ATRNL1: variants seen among roughly 807,000 people sequenced by gnomAD.
ATRNL1 encodes attractin like 1, also known as attractin-like protein 1.
ATRNL1 carries 95 observed loss-of-function variants against 182.7 expected under a neutral mutation model. The ratio of observed to expected loss-of-function variants is 0.52; its 90% CI spans 0.44 to 0.62. The LOEUF (loss-of-function observed/expected upper bound fraction) is 0.62, where lower values mean the gene tolerates loss of function less well. Ranked by LOEUF, ATRNL1 falls within the 20% of genes least tolerant of loss-of-function variation. The pLI, the probability that ATRNL1 is intolerant of heterozygous loss-of-function variation, is 0.00. For synonymous variants in ATRNL1, 576 were observed against 568.3 expected, an observed-to-expected ratio of 1.01 and a Z score of -0.19; for missense variants, 1,471 against 1,679.5, an observed-to-expected ratio of 0.88 and a Z score of 2.17.
intron 20 of ATRNL1, among the ~76,000 whole-genome samples, chr10:115,424,613 T>G (rs1165257092): frequency 1.3e-5 from 2 of 152,202 alleles, no homozygotes; most frequent in Non-Finnish European, 2.9e-5. Flanking sequence ...AATGAAATCC[T>G]GTCATTTGGG....
At chr10:115,345,413 T>G (rs2134106542) in intron 19 of ATRNL1, among the ~76,000 whole-genome samples, 1 of 152,312 alleles carries the variant, frequency 6.6e-6, no homozygotes, top group Admixed American at 6.5e-5. Context: ...TCACGATTAT[T>G]GTTTTCTCCC....
intron 26 of ATRNL1, among the ~76,000 whole-genome samples, chr10:115,619,101 T>A (rs1006636454): frequency 6.6e-6 from 1 of 152,242 alleles, no homozygotes; most frequent in Non-Finnish European, 1.5e-5. Flanking sequence ...CAGTTATGTC[T>A]GTGTGTTCCT....
At chr10:115,698,156 C>A (rs1438785249) in intron 26 of ATRNL1, among the ~76,000 whole-genome samples, 5 of 151,752 alleles carry the variant, frequency 3.3e-5, no homozygotes, top group Non-Finnish European at 7.4e-5. Flanking sequence ...TTTAAATATA[C>A]TACCAGAATA....
chr10:115,551,925 C>T (rs755855760), intron 26 of ATRNL1, among the ~76,000 whole-genome samples: 80 of 151,280 alleles, frequency 5.3e-4, no homozygotes, highest in Non-Finnish European at 8.6e-4. Flanking sequence ...GAGAGAGAGA[C>T]CACATTCACA....
chr10:115,930,619 A>G (rs1953367032), intron 28 of ATRNL1, among the ~76,000 whole-genome samples: 1 of 152,228 alleles, frequency 6.6e-6, no homozygotes. Flanking sequence ...ACAAAGATAT[A>G]GCCACATTTT....
chr10:115,547,269 T>A lies in ATRNL1; in HGVS notation c.3717-2189T>A, dbSNP rs868953408. On this transcript the variant is annotated intron_variant, in intron 25 of 28. Coordinates refer to ENST00000355044, the MANE Select transcript of ATRNL1 (RefSeq NM_207303.4). ...GACTCCATCTCAAAAAAAAAATATA[T>A]ATATATATATATAAATATATATTTT... Among the ~76,000 whole-genome samples, 1,179 of 147,098 alleles carry A rather than the reference T, an allele frequency of 8.0e-3. 14 individuals carry two copies. Among genetic ancestry groups the A allele is most frequent in the African/African-American group, 0.028 (1,120 of 40,560 alleles).
At chr10:115,461,875 TA>T in intron 21 of ATRNL1, 65 bp from the exon 22 acceptor site, 1 of 1,011,458 alleles carries the variant, frequency 9.9e-7, no homozygotes, top group Non-Finnish European at 1.5e-6. Context: ...TATTGTAACC[TA>T]AATTTTGCTT....
chr10:115,944,265 A>T (rs1193568190), intron 28 of ATRNL1, among the ~76,000 whole-genome samples: 1 of 107,086 alleles, frequency 9.3e-6, no homozygotes, highest in Admixed American at 9.4e-5. Context: ...TAAAAATCTT[A>T]ACATGACTAG....
At chr10:115,179,709 A>AG (rs1446776364) in intron 8 of ATRNL1, among the ~76,000 whole-genome samples, 2 of 152,118 alleles carry the variant, frequency 1.3e-5, no homozygotes. Flanking sequence ...GTCTTGTGGG[A>AG]GGATTTCACA....
Position 115,268,367 on chromosome 10 carries a change from A to G in ATRNL1, c.2023A>G (p.Ser675Gly), listed in dbSNP as rs782817479. 8.7e-6 allele frequency: 14 copies of G among 1,613,686 alleles called. No individual in the cohort carries two copies. The highest frequency in any genetic ancestry group is 1.1e-5 in the Non-Finnish European group (13 of 1,179,814). Residue 675 changes from serine to glycine, a missense_variant, in exon 13 of 29, where the codon AGC becomes GGC. By Grantham distance (56) the Ser-to-Gly change is moderately conservative. Around this residue, in one of 3 missense-constraint regions of ATRNL1, gnomAD observed 1,031 missense variants for 1,156.0 expected, o/e 0.89. Coordinates refer to ENST00000355044, the MANE Select transcript of ATRNL1 (RefSeq NM_207303.4). Reference sequence around the variant, plus strand: ...ATGTTACAGATATGCAGATTGTGCCAGCTGTACTGCCAATACAAATGGGTG... The same window carrying G: ...ATGTTACAGATATGCAGATTGTGCCGGCTGTACTGCCAATACAAATGGGTG... ...DRCYRYADCASCTANTNGCQW... is the reference protein window; with the variant it reads ...DRCYRYADCAGCTANTNGCQW...
At chr10:115,594,055 G>C (rs1459060515) in intron 26 of ATRNL1, among the ~76,000 whole-genome samples, 1 of 151,866 alleles carries the variant, frequency 6.6e-6, no homozygotes, top group African/African-American at 2.4e-5. Flanking sequence ...ATTTATATCA[G>C]CTGTGACATA....
At chr10:115,112,125 C>CTA (rs1467717785) in intron 1 of ATRNL1, among the ~76,000 whole-genome samples, 4 of 151,140 alleles carry the variant, frequency 2.6e-5, no homozygotes, top group Non-Finnish European at 5.9e-5. Flanking sequence ...ATGTAGAAAA[C>CTA]TAGAAAACAT....
At chr10:115,390,866 T>TA (rs1395535884) in intron 19 of ATRNL1, among the ~76,000 whole-genome samples, 1 of 152,222 alleles carries the variant, frequency 6.6e-6, no homozygotes, top group African/African-American at 2.4e-5. Context: ...TTAGAGCTTT[T>TA]AAGTCCTTGG....
intron 25 of ATRNL1, among the ~76,000 whole-genome samples, chr10:115,523,044 G>T (rs1209717244): frequency 6.6e-6 from 1 of 152,126 alleles, no homozygotes; most frequent in Non-Finnish European, 1.5e-5. Context: ...GCATCTGTCT[G>T]CAGGGTCTCC....
chr10:115,579,639 G>T (rs1437492862), intron 26 of ATRNL1, among the ~76,000 whole-genome samples: 1 of 151,888 alleles, frequency 6.6e-6, no homozygotes, highest in African/African-American at 2.4e-5. Context: ...TCTTATAGAT[G>T]AATATAGTTG....
In ATRNL1 at chr10:115,407,996, T is replaced by C. The variant is rs1227296350; in HGVS notation, c.3269+13244T>C. On this transcript the variant is annotated intron_variant, in intron 20 of 28. Coordinates refer to ENST00000355044, the MANE Select transcript of ATRNL1 (RefSeq NM_207303.4). Reference sequence around the variant, plus strand: ...TTTGATTTGCATTTCTTTTTTTTTTTTTTTTTTTTTTTTTTTTTGAGACGG... The same window carrying C: ...TTTGATTTGCATTTCTTTTTTTTTTCTTTTTTTTTTTTTTTTTTGAGACGG... Among the ~76,000 whole-genome samples the C allele has an allele frequency of 8.0e-5, 6 of 75,018 alleles. No homozygotes were observed. In the South Asian group the frequency reaches 2.3e-3, roughly 28 times the overall value. 49.2% of individuals were successfully genotyped at this position (75,018 alleles called of 152,430 possible). A position where few individuals can be genotyped will look rare whatever the true frequency, so the allele number is the denominator to read the frequency against.
At chr10:115,102,691 C>G (rs1009623257) in intron 1 of ATRNL1, among the ~76,000 whole-genome samples, 10 of 152,282 alleles carry the variant, frequency 6.6e-5, no homozygotes, top group African/African-American at 2.4e-4. Flanking sequence ...AGGTGATCCA[C>G]CCACCTCGGC....
intron 21 of ATRNL1, among the ~76,000 whole-genome samples, chr10:115,438,102 A>G (rs583175): frequency 0.027 from 4,076 of 152,102 alleles, 217 homozygotes; most frequent in African/African-American, 0.094. Context: ...TTGTTTCTCA[A>G]AAAATTCACA....
At chr10:115,903,477 C>T (rs1565473932) in intron 28 of ATRNL1, among the ~76,000 whole-genome samples, 1 of 152,194 alleles carries the variant, frequency 6.6e-6, no homozygotes, top group African/African-American at 2.4e-5. Flanking sequence ...GAAAATGCTT[C>T]TAAGATACTT....
Sources: allele counts gnomAD v4.1 joint callset (sites outside exome capture counted in the v4.1 genomes callset), GRCh38; gene constraint gnomAD v4.1.1; regional missense constraint gnomAD v4.1.1; transcripts MANE v1.5; gene names NCBI Gene and HGNC (gene_info 2026-07-23, HGNC 2026-07-21).